RBFOX1: variants seen among roughly 807,000 people sequenced by gnomAD.
RBFOX1 encodes the protein RNA binding protein fox-1 homolog 1.
In RBFOX1, 8 loss-of-function variants were observed where a neutral mutation model predicts 57.7. That is an observed-to-expected ratio of 0.14 (90% CI 0.08 to 0.25). RBFOX1 has a LOEUF of 0.25. Ranked by LOEUF, RBFOX1 falls within the 10% of genes least tolerant of loss-of-function variation. The pLI, the probability that RBFOX1 is intolerant of heterozygous loss-of-function variation, is 1.00. For missense variants in RBFOX1, 611 were observed against 548.5 expected (o/e 1.11, Z -1.14); for synonymous variants, 326 against 222.4 (o/e 1.47, Z -4.15).
chr16:7,559,608 C>T (rs1007704740), intron 5 of RBFOX1, among the ~76,000 whole-genome samples: 1 of 152,236 alleles, frequency 6.6e-6, no homozygotes, highest in Non-Finnish European at 1.5e-5. Context: ...AAGGCTTGCA[C>T]TCTGTCCTCT....
At chr16:7,606,892 G>A (rs190684795) in intron 9 of RBFOX1, among the ~76,000 whole-genome samples, 45 of 152,270 alleles carry the variant, frequency 3.0e-4, no homozygotes, top group Admixed American at 1.2e-3. Context: ...GTTTATGCAA[G>A]CTTTCTAATT....
intron 5 of RBFOX1, among the ~76,000 whole-genome samples, chr16:7,563,063 A>G (rs3785249): frequency 0.85 from 129,102 of 152,136 alleles, 56,657 homozygotes; most frequent in Non-Finnish European, 0.97. Context: ...CATCCCAAAG[A>G]AGCTCTGAGG....
At chr16:5,976,148 A>G (rs754721621) in intron 4 of RBFOX1, among the ~76,000 whole-genome samples, 2 of 152,114 alleles carry the variant, frequency 1.3e-5, no homozygotes, top group Non-Finnish European at 2.9e-5. Context: ...CAATCTCAAA[A>G]TAAATTAATA....
intron 4 of RBFOX1, among the ~76,000 whole-genome samples, chr16:5,994,682 G>C (rs2060462139): frequency 6.6e-6 from 1 of 152,214 alleles, no homozygotes; most frequent in African/African-American, 2.4e-5. Flanking sequence ...ATGAGTGTGT[G>C]TGGCTGTGTT....
intron 2 of RBFOX1, among the ~76,000 whole-genome samples, chr16:5,573,511 A>G (rs2046353306): frequency 6.6e-6 from 1 of 152,188 alleles, no homozygotes; most frequent in Admixed American, 6.5e-5. Flanking sequence ...TGACTTGGGT[A>G]CTGACAACTT....
upstream of RBFOX1, among the ~76,000 whole-genome samples, chr16:6,018,611 G>A (rs558942810): frequency 8.0e-4 from 122 of 152,210 alleles, 2 homozygotes; most frequent in South Asian, 0.024. Context: ...ATCCCATCCA[G>A]CCTGGAGAAC....
intron 4 of RBFOX1, among the ~76,000 whole-genome samples, chr16:7,271,353 G>A (rs558452964): frequency 5.0e-4 from 76 of 151,108 alleles, no homozygotes; most frequent in African/African-American, 1.7e-3. Context: ...TATTTCTTGG[G>A]GGGAGCTCGT....
intron 4 of RBFOX1, among the ~76,000 whole-genome samples, chr16:7,177,201 A>G (rs1056325091): frequency 1.3e-5 from 2 of 152,202 alleles, no homozygotes; most frequent in East Asian, 1.9e-4. Flanking sequence ...AATAGCGACA[A>G]TACAACCGCT....
chr16:6,784,775 T>A (rs917839396), intron 3 of RBFOX1, among the ~76,000 whole-genome samples: 7 of 152,152 alleles, frequency 4.6e-5, no homozygotes, highest in Non-Finnish European at 1.0e-4. Context: ...TGTGGGGAAG[T>A]AAATCCCTGG....
At chr16:6,001,489 A>G (rs1337531996) in intron 4 of RBFOX1, among the ~76,000 whole-genome samples, 1 of 152,202 alleles carries the variant, frequency 6.6e-6, no homozygotes, top group African/African-American at 2.4e-5. Flanking sequence ...GGAGCAGCAG[A>G]ATTGGGAGGT....
At chr16:5,245,958 T>G (rs1444224975) in intron 1 of RBFOX1, among the ~76,000 whole-genome samples, 1 of 152,184 alleles carries the variant, frequency 6.6e-6, no homozygotes, top group Admixed American at 6.6e-5. Context: ...ATCTTTTATA[T>G]TCTGGCCGGG....
At chr16:5,732,346 A>C in intron 3 of RBFOX1, among the ~76,000 whole-genome samples, 1 of 152,224 alleles carries the variant, frequency 6.6e-6, no homozygotes, top group Non-Finnish European at 1.5e-5. Context: ...TACAGTAACC[A>C]ACAATGACTG....
chr16:5,296,384 A>T (rs912261593), intron 1 of RBFOX1, among the ~76,000 whole-genome samples: 7 of 152,144 alleles, frequency 4.6e-5, no homozygotes, highest in African/African-American at 1.7e-4. Context: ...TCCTCACTGC[A>T]TTCAAATTTC....
chr16:7,378,941 C>G (rs2097735365), intron 4 of RBFOX1, among the ~76,000 whole-genome samples: 1 of 152,204 alleles, frequency 6.6e-6, no homozygotes, highest in Non-Finnish European at 1.5e-5. Context: ...GGAGAGCACA[C>G]AGACCTTGAA....
intron 4 of RBFOX1, among the ~76,000 whole-genome samples, chr16:7,403,572 C>A (rs1011570760): frequency 2.0e-5 from 3 of 146,742 alleles, no homozygotes; most frequent in Non-Finnish European, 4.5e-5. Flanking sequence ...TCCCCCCCCC[C>A]CCACTTTTTT....
At chr16:5,687,593 T>C (rs906528414) in intron 3 of RBFOX1, among the ~76,000 whole-genome samples, 37 of 152,214 alleles carry the variant, frequency 2.4e-4, no homozygotes, top group Non-Finnish European at 7.3e-5. Context: ...CTTTGGCCTC[T>C]CTGAAAGCCA....
chr16:6,741,647 C>T (rs370388689), intron 3 of RBFOX1, among the ~76,000 whole-genome samples: 128 of 146,790 alleles, frequency 8.7e-4, no homozygotes, highest in East Asian at 7.8e-3. Context: ...CCAGCCTGGG[C>T]GACAGAGCCA....
intron 2 of RBFOX1, among the ~76,000 whole-genome samples, chr16:6,622,777 T>G (rs1601807707): frequency 6.6e-6 from 1 of 152,250 alleles, no homozygotes; most frequent in South Asian, 2.1e-4. Context: ...TTTAAATGAT[T>G]TATTTAATAC....
chr16:5,871,937 G>T (rs139722406), intron 4 of RBFOX1, among the ~76,000 whole-genome samples: 1 of 152,264 alleles, frequency 6.6e-6, no homozygotes, highest in Non-Finnish European at 1.5e-5. Context: ...GGGAAACTAC[G>T]CAGGTAGCAA....
Sources: allele counts gnomAD v4.1 joint callset (sites outside exome capture counted in the v4.1 genomes callset), GRCh38; gene constraint gnomAD v4.1.1; transcripts MANE v1.5; gene names NCBI Gene and HGNC (gene_info 2026-07-23, HGNC 2026-07-21).